RTL4: variants seen among roughly 807,000 people sequenced by gnomAD.
The protein encoded by RTL4 is retrotransposon Gag like 4.
RTL4 carries 4 observed loss-of-function variants against 5.3 expected under a neutral mutation model. The ratio of observed to expected loss-of-function variants is 0.75; its 90% confidence interval spans 0.37 to 1.72. The LOEUF is 1.72. RTL4 is among the 40% of genes most tolerant of loss of function. The pLI is 0.04. For missense variants in RTL4, 260 were observed against 227.1 expected (o/e 1.14, Z -0.93); for synonymous variants, 98 against 87.3 (o/e 1.12, Z -0.68).
the RTL4 span, among the ~76,000 whole-genome samples, chrX:112,094,821 A>G: frequency 1.8e-5 from 2 of 111,749 alleles, no homozygotes; most frequent in East Asian, 5.7e-4. Flanking sequence ...TTAATAACAC[A>G]ATGGTGATTG....
the RTL4 span, among the ~76,000 whole-genome samples, chrX:112,408,909 C>T: frequency 8.9e-6 from 1 of 111,937 alleles, no homozygotes; most frequent in Non-Finnish European, 1.9e-5. Context: ...TTCAGCCTAG[C>T]ATAGTATATC....
At chrX:112,440,757 T>G in the RTL4 span, among the ~76,000 whole-genome samples, 2 of 111,976 alleles carry the variant, frequency 1.8e-5, no homozygotes, top group African/African-American at 6.5e-5. Flanking sequence ...GTAGGTAGAC[T>G]AGATGATTTA....
At chrX:112,257,998 G>A in the RTL4 span, among the ~76,000 whole-genome samples, 6 of 107,878 alleles carry the variant, frequency 5.6e-5, no homozygotes, top group Admixed American at 4.1e-4. Flanking sequence ...TCTTTGAAAG[G>A]TTGTTTTTGT....
chrX:112,270,670 T>C, the RTL4 span, among the ~76,000 whole-genome samples: 1 of 111,201 alleles, frequency 9.0e-6, no homozygotes, highest in African/African-American at 3.3e-5. Context: ...CAGACAGCCC[T>C]GTGGCAATCA....
chrX:112,347,651 A>G, the RTL4 span, among the ~76,000 whole-genome samples: 1 of 111,575 alleles, frequency 9.0e-6, no homozygotes, highest in Non-Finnish European at 1.9e-5. Flanking sequence ...TGCCACTAGG[A>G]ACAATTGCAC....
the RTL4 span, among the ~76,000 whole-genome samples, chrX:112,145,592 C>T: frequency 2.7e-5 from 3 of 111,768 alleles, no homozygotes; most frequent in Non-Finnish European, 5.6e-5. Flanking sequence ...GCCTTTATGG[C>T]AATGACATTC....
chrX:112,393,236 C>G, the RTL4 span, among the ~76,000 whole-genome samples: 3 of 99,871 alleles, frequency 3.0e-5, no homozygotes, highest in African/African-American at 1.1e-4. Context: ...TGCAGTGGCG[C>G]GATCTCGGCT....
At chrX:112,230,243 G>C in the RTL4 span, among the ~76,000 whole-genome samples, 372 of 112,205 alleles carry the variant, frequency 3.3e-3, 1 homozygote, top group African/African-American at 0.011. Context: ...CGCCCCTTCC[G>C]CAGCCTCACT....
chrX:112,143,356 T>A, the RTL4 span, among the ~76,000 whole-genome samples: 1 of 111,132 alleles, frequency 9.0e-6, no homozygotes, highest in Non-Finnish European at 1.9e-5. Context: ...CAAGTAAGAA[T>A]AGAAAATATA....
the RTL4 span, among the ~76,000 whole-genome samples, chrX:112,176,717 A>T: frequency 1.8e-5 from 2 of 111,939 alleles, no homozygotes; most frequent in Non-Finnish European, 3.8e-5. Flanking sequence ...GAAATATAAG[A>T]TTAATTATTG....
chrX:112,318,098 C>G, the RTL4 span, among the ~76,000 whole-genome samples: 1 of 111,950 alleles, frequency 8.9e-6, no homozygotes, highest in Non-Finnish European at 1.9e-5. Context: ...ACAAACCACT[C>G]TAATTTATAA....
At chrX:112,296,436 C>A in the RTL4 span, among the ~76,000 whole-genome samples, 1 of 110,755 alleles carries the variant, frequency 9.0e-6, no homozygotes, top group African/African-American at 3.3e-5. Flanking sequence ...TTTTGTTCCC[C>A]ACTAATTCAT....
chrX:112,366,166 C>T, the RTL4 span, among the ~76,000 whole-genome samples: 2 of 111,340 alleles, frequency 1.8e-5, no homozygotes, highest in Non-Finnish European at 3.8e-5. Flanking sequence ...ATTAGCAGAT[C>T]TGAGCTTTAG....
At chrX:112,092,794 C>T in the RTL4 span, among the ~76,000 whole-genome samples, 1 of 111,121 alleles carries the variant, frequency 9.0e-6, no homozygotes, top group Non-Finnish European at 1.9e-5. Flanking sequence ...CTCTCTTTGC[C>T]TACTGCCATC....
the RTL4 span, among the ~76,000 whole-genome samples, chrX:112,426,903 T>G: frequency 1.8e-5 from 2 of 110,977 alleles, no homozygotes; most frequent in Non-Finnish European, 3.8e-5. Context: ...TGAAATAAAA[T>G]CAGAATAGGC....
chrX:112,113,078 A>G, the RTL4 span, among the ~76,000 whole-genome samples: 1 of 111,665 alleles, frequency 9.0e-6, no homozygotes, highest in Non-Finnish European at 1.9e-5. Flanking sequence ...ATTTTCTTAC[A>G]AAGCCTTGAA....
chrX:112,436,108 T>C, the RTL4 span, among the ~76,000 whole-genome samples: 10 of 110,640 alleles, frequency 9.0e-5, no homozygotes, highest in Admixed American at 9.7e-4. Context: ...TCCCAGCTAC[T>C]CAGGAGGTGG....
At chrX:112,410,159 C>T in the RTL4 span, among the ~76,000 whole-genome samples, 2 of 111,682 alleles carry the variant, frequency 1.8e-5, no homozygotes, top group Admixed American at 1.9e-4. Context: ...ATAAAGGGGT[C>T]GATTCAGCAA....
the RTL4 span, among the ~76,000 whole-genome samples, chrX:112,443,759 C>A: frequency 1.3e-4 from 15 of 111,971 alleles, no homozygotes; most frequent in African/African-American, 4.5e-4. Context: ...CTATTCGAAT[C>A]TTTTGCCTAT....
Sources: gnomAD v4.1 joint callset for allele counts (sites outside exome capture counted in the v4.1 genomes callset) on GRCh38, gnomAD v4.1.1 for gene constraint, MANE v1.5 for transcripts, NCBI Gene and HGNC (gene_info 2026-07-23, HGNC 2026-07-21) for gene names.